RAPGEF2: variants seen among roughly 807,000 people sequenced by gnomAD.
RAPGEF2 encodes the protein Rap guanine nucleotide exchange factor 2.
RAPGEF2 carries 54 observed loss-of-function variants against 186.7 expected under a neutral mutation model. The observed-to-expected ratio is 0.29, with a 90% CI of 0.23 to 0.36. The LOEUF (loss-of-function observed/expected upper bound fraction) is 0.36, where lower values mean the gene tolerates loss of function less well. RAPGEF2 is among the 10% of genes least tolerant of loss of function. The probability of loss-of-function intolerance (pLI) is 1.00; values close to 1 mark genes in which losing one functional copy is unlikely to be tolerated. For synonymous variants in RAPGEF2, 712 were observed against 705.9 expected (o/e 1.01, Z -0.14); for missense variants, 1,532 against 2,045.0 (o/e 0.75, Z 4.84).
In RAPGEF2 at chr4:159,133,954, A is replaced by G. The variant is rs371495096; in HGVS notation, c.69+29723A>G. Among the ~76,000 whole-genome samples the G allele has an allele frequency of 8.6e-5, 13 of 151,490 alleles. No individual in the cohort carries two copies. In the East Asian group the frequency reaches 1.9e-3, roughly 23 times the overall value. On this transcript the variant is annotated intron_variant, in intron 1 of 29. Transcript: ENST00000691494. ...GGCTGGTCTTGAACTCCTGACCTCA[A>G]GTGATCCACCCGCCTGGACCTCCCA...
intron 1 of RAPGEF2, among the ~76,000 whole-genome samples, chr4:159,146,578 T>C (rs949037446): frequency 6.6e-6 from 1 of 152,226 alleles, no homozygotes; most frequent in African/African-American, 2.4e-5. Flanking sequence ...ATTGCTATTA[T>C]CATGTTACAG....
intron 17 of RAPGEF2, among the ~76,000 whole-genome samples, chr4:159,337,615 C>T (rs542170085): frequency 3.0e-4 from 45 of 151,876 alleles, no homozygotes; most frequent in African/African-American, 9.9e-4. Context: ...TTTGGCCGGG[C>T]GTGGTGGCTC....
At chr4:159,121,879 A>AG (rs1336919145) in intron 1 of RAPGEF2, among the ~76,000 whole-genome samples, 1 of 150,634 alleles carries the variant, frequency 6.6e-6, no homozygotes, top group Non-Finnish European at 1.5e-5. Context: ...AAATACAAAA[A>AG]AAAAAAAATT....
At chr4:159,144,894 T>G (rs1244772362) in intron 1 of RAPGEF2, among the ~76,000 whole-genome samples, 21 of 142,200 alleles carry the variant, frequency 1.5e-4, no homozygotes, top group Non-Finnish European at 2.6e-4. Context: ...TTTTTTTTTT[T>G]TTTTTTTTTT....
chr4:159,347,867 T>A (rs965984525), intron 25 of RAPGEF2, among the ~76,000 whole-genome samples: 3 of 152,100 alleles, frequency 2.0e-5, no homozygotes, highest in African/African-American at 7.2e-5. Flanking sequence ...AATGTACACC[T>A]TCTTTTTTTT....
chr4:159,350,271 C>G lies in RAPGEF2; in HGVS notation c.3847C>G (p.Gln1283Glu). 6.3e-7 allele frequency: 1 copy of G among 1,581,384 alleles called. No individual in the cohort carries two copies. The highest frequency in any genetic ancestry group is 8.6e-7 in the Non-Finnish European group (1 of 1,166,574). ...SQLSSPPTSP[Q>E]SSPRKGYTLA... Reference sequence around the variant, plus strand: ...GCTTTCTTCTCCTCCTACTTCTCCACAGAGTTCTCCAAGGAAAGGTAGAAT... The same window carrying G: ...GCTTTCTTCTCCTCCTACTTCTCCAGAGAGTTCTCCAAGGAAAGGTAGAAT... Residue 1283 changes from glutamine (Q) to glutamate (E), a missense_variant, in exon 26 of 30, where the codon CAG (glutamine) becomes GAG (glutamate). Transcript: ENST00000691494.
rs1732486116 is a variant in RAPGEF2 at position 159,359,444 on chromosome 4, C to CT, written c.*1306dup. 1 of 152,190 alleles carries CT rather than the reference C, an allele frequency of 6.6e-6. No homozygotes were observed. The highest frequency in any genetic ancestry group is 1.5e-5 in the Non-Finnish European group (1 of 68,032). The allele number at this position is 152,190 out of a possible 1,614,324, so 9.4% of individuals were successfully genotyped here. ...TGTAGCAACCATCTGCTCACAGCTG[C>CT]TATTAACCCTATAATGACTGAAATG... On this transcript the variant is annotated 3_prime_UTR_variant, in exon 30 of 30. Transcript: ENST00000691494.
intron 3 of RAPGEF2, among the ~76,000 whole-genome samples, chr4:159,195,300 G>A (rs921989508): frequency 6.6e-6 from 1 of 152,118 alleles, no homozygotes; most frequent in Non-Finnish European, 1.5e-5. Flanking sequence ...CAAATAACAG[G>A]GATAGAGACA....
chr4:159,351,342 A>G (rs1367539364), intron 26 of RAPGEF2, among the ~76,000 whole-genome samples: 7 of 152,104 alleles, frequency 4.6e-5, no homozygotes, highest in Non-Finnish European at 8.8e-5. Flanking sequence ...AGGGCTTTAA[A>G]TCTTATCTGT....
chr4:159,238,913 T>TC, intron 5 of RAPGEF2, 29 bp downstream of exon 5: 1 of 1,408,222 alleles, frequency 7.1e-7, no homozygotes, highest in Admixed American at 3.1e-5. Flanking sequence ...GGACTATTTT[T>TC]CCCCTAAAAA....
chr4:159,262,750 A>G (rs1757015233), intron 7 of RAPGEF2, among the ~76,000 whole-genome samples: 1 of 152,126 alleles, frequency 6.6e-6, no homozygotes, highest in African/African-American at 2.4e-5. Context: ...TAATTTTCGT[A>G]TATTTCTTAT....
At chr4:159,338,080 A>G (rs1260159662) in intron 17 of RAPGEF2, among the ~76,000 whole-genome samples, 3 of 151,974 alleles carry the variant, frequency 2.0e-5, no homozygotes, top group East Asian at 3.9e-4. Flanking sequence ...ACAAAGCAAG[A>G]TGCTATATCT....
At chr4:159,258,700 C>A (rs1561162059) in intron 7 of RAPGEF2, among the ~76,000 whole-genome samples, 2 of 152,122 alleles carry the variant, frequency 1.3e-5, no homozygotes, top group South Asian at 2.1e-4. Context: ...CAGATAGTAT[C>A]TTTATGCCAT....
intron 8 of RAPGEF2, among the ~76,000 whole-genome samples, chr4:159,307,470 A>G (rs1353908771): frequency 2.6e-5 from 4 of 152,224 alleles, no homozygotes; most frequent in African/African-American, 9.6e-5. Context: ...GTGTAAAACA[A>G]TGAACAGTAT....
Position 159,346,958 on chromosome 4 carries a change from T to G in RAPGEF2, c.3672T>G (p.Pro1224=), listed in dbSNP as rs766653267. 3.1e-6 allele frequency: 5 copies of G among 1,613,922 alleles called. No individual in the cohort carries two copies. The African/African-American group carries it at 6.7e-5, about 22-fold the overall frequency. ...GLQVPAVSLY[P]SRKKVPVKDL... is the part of the protein sequence containing the mutation. ...AGGTTCCCGCCGTGTCCCTTTATCC[T>G]TCACGGAAGAAAGTGCCCGTAAAGG... is the stretch of plus-strand genomic sequence containing the variant. Residue 1224 remains proline, a synonymous_variant, in exon 25 of 30, where the codon CCT becomes CCG. Transcript: ENST00000691494.
At chr4:159,311,271 T>C (rs1005310751) in intron 8 of RAPGEF2, among the ~76,000 whole-genome samples, 1 of 152,168 alleles carries the variant, frequency 6.6e-6, no homozygotes, top group African/African-American at 2.4e-5. Context: ...TTATAATTGG[T>C]GTATGAACCA....
rs1425668374 is a variant in RAPGEF2, at chr4:159,318,031, C to A, written c.853+3263C>A. The stretch of plus-strand genomic sequence containing the variant: ...CTAGAAAGCAGCAGCCATAATGATT[C>A]CTACAAATAAATAAAAAGCCATCTT... On this transcript the variant is annotated intron_variant, in intron 9 of 29. Transcript: ENST00000691494. Among the ~76,000 whole-genome samples the A allele has an allele frequency of 5.3e-5, 8 of 151,374 alleles. No homozygotes were observed. In the East Asian group the frequency reaches 5.8e-4, roughly 11 times the overall value.
Position 159,358,550 on chromosome 4 carries a change from G to A in RAPGEF2, c.*411G>A, listed in dbSNP as rs182315285. On this transcript the variant is annotated 3_prime_UTR_variant, in exon 30 of 30. Transcript: ENST00000691494. ...CCAGTCCTAGCACTTGATCTCATTG[G>A]GATAATGAGAAAAGCTAGCCATTGA... 309 of 172,128 alleles carry A rather than the reference G, an allele frequency of 1.8e-3. 1 individual carries two copies. The highest frequency in any genetic ancestry group is 4.4e-3 in the South Asian group (22 of 5,050). The allele number at this position is 172,128 out of a possible 1,614,324, so 10.7% of individuals were successfully genotyped here.
At chr4:159,152,868 G>A (rs1579318119) in intron 1 of RAPGEF2, among the ~76,000 whole-genome samples, 1 of 152,102 alleles carries the variant, frequency 6.6e-6, no homozygotes, top group South Asian at 2.1e-4. Flanking sequence ...ATCCGCCCTC[G>A]GCCTCCCAAA....
Sources: gnomAD v4.1 joint callset for allele counts (sites outside exome capture counted in the v4.1 genomes callset) on GRCh38, gnomAD v4.1.1 for gene constraint, MANE v1.5 for transcripts, NCBI Gene and HGNC (gene_info 2026-07-23, HGNC 2026-07-21) for gene names.